Variants in TGFBR3 observed in about 807,000 individuals in gnomAD.
TGFBR3 encodes transforming growth factor beta receptor 3, also known as transforming growth factor beta receptor type 3.
TGFBR3 carries 46 observed loss-of-function variants against 87.9 expected under a neutral mutation model. The ratio of observed to expected loss-of-function variants is 0.52; its 90% CI spans 0.41 to 0.67. The LOEUF is 0.67. Among genes scored for constraint, TGFBR3 ranks in the 30% least tolerant of loss-of-function variants. The probability of loss-of-function intolerance (pLI) is 0.00; values close to 1 mark genes in which losing one functional copy is unlikely to be tolerated. For synonymous variants in TGFBR3, 381 were observed against 391.6 expected (o/e 0.97, Z 0.32); for missense variants, 866 against 1,041.9 (o/e 0.83, Z 2.32).
intron 13 of TGFBR3, among the ~76,000 whole-genome samples, chr1:91,709,153 G>A (rs1671895461): frequency 6.6e-6 from 1 of 152,196 alleles, no homozygotes; most frequent in Admixed American, 6.5e-5. Context: ...TTTGTGATTG[G>A]TGATTGTGGG....
chr1:91,731,316 T>G (rs17878344), intron 5 of TGFBR3, among the ~76,000 whole-genome samples: 1 of 152,046 alleles, frequency 6.6e-6, no homozygotes, highest in African/African-American at 2.4e-5. Flanking sequence ...CAGCACACAC[T>G]GGGGCATCAT....
chr1:91,751,100 T>C (rs936219001), intron 4 of TGFBR3, among the ~76,000 whole-genome samples: 15 of 152,146 alleles, frequency 9.9e-5, no homozygotes, highest in Non-Finnish European at 1.5e-5. Context: ...GTGTGTTGGA[T>C]GAATGAACAA....
At chr1:91,839,704 T>C (rs1402604223) in intron 2 of TGFBR3, among the ~76,000 whole-genome samples, 2 of 152,122 alleles carry the variant, frequency 1.3e-5, no homozygotes, top group Non-Finnish European at 2.9e-5. Context: ...GTCAAGGTCA[T>C]TGAAAGACCA....
chr1:91,849,858 C>T (rs534769516), intron 2 of TGFBR3, among the ~76,000 whole-genome samples: 40 of 151,626 alleles, frequency 2.6e-4, no homozygotes, highest in African/African-American at 9.4e-4. Flanking sequence ...CGAGGCGGGC[C>T]GATCACGAGG....
At chr1:91,905,464 A>T (rs1022016933) in intron 1 of TGFBR3, among the ~76,000 whole-genome samples, 5 of 151,976 alleles carry the variant, frequency 3.3e-5, no homozygotes, top group African/African-American at 1.2e-4. Context: ...TAAGAGTCTC[A>T]CTCTGTTGCC....
intron 2 of TGFBR3, among the ~76,000 whole-genome samples, chr1:91,801,859 T>C (rs1279364545): frequency 2.0e-5 from 3 of 152,110 alleles, no homozygotes; most frequent in African/African-American, 7.2e-5. Context: ...CCACAAAAGG[T>C]ACACATCCTT....
chr1:91,795,308 A>T (rs890105848), intron 3 of TGFBR3, among the ~76,000 whole-genome samples: 2 of 152,220 alleles, frequency 1.3e-5, no homozygotes, highest in African/African-American at 4.8e-5. Context: ...AAAGAGAATA[A>T]TGTTCAGGTT....
chr1:91,887,306 C>T (rs1679352192), upstream of TGFBR3, among the ~76,000 whole-genome samples: 1 of 123,882 alleles, frequency 8.1e-6, no homozygotes, highest in Admixed American at 1.1e-4. Context: ...AGTGCAGTGG[C>T]ACAATCTCAA....
At chr1:91,833,585 TG>T (rs1676944665) in intron 2 of TGFBR3, among the ~76,000 whole-genome samples, 1 of 150,348 alleles carries the variant, frequency 6.7e-6, no homozygotes, top group African/African-American at 2.4e-5. Context: ...CTGGCCAATA[TG>T]GTGAAACCCC....
At chr1:91,878,818 G>A (rs1234712351) in intron 1 of TGFBR3, among the ~76,000 whole-genome samples, 2 of 152,180 alleles carry the variant, frequency 1.3e-5, no homozygotes, top group Non-Finnish European at 2.9e-5. Context: ...AGAAAAGCAG[G>A]TGTTTCGTCC....
Position 91,821,328 on chromosome 1 carries a change from C to CAA in TGFBR3, c.62-23859_62-23858dup, listed in dbSNP as rs35313779. ...CTGGGTGACAGAGATAAGACTGTCTCAAAAAAAAAAAAAAAAAAAAAAAAG... is the reference window on the plus strand; with the variant it reads ...CTGGGTGACAGAGATAAGACTGTCTCAAAAAAAAAAAAAAAAAAAAAAAAAAG... On this transcript the variant is annotated intron_variant, in intron 2 of 16. Transcript: ENST00000212355. 1.1e-3 allele frequency among the ~76,000 whole-genome samples: 85 copies of CAA among 77,368 alleles called. 1 individual carries two copies. Among genetic ancestry groups the CAA allele is most frequent in the Admixed American group, 1.3e-3 (8 of 6,242 alleles). 50.8% of individuals were successfully genotyped at this position (77,368 alleles called of 152,430 possible).
chr1:91,772,537 C>T (rs192392653), intron 3 of TGFBR3, among the ~76,000 whole-genome samples: 17 of 152,100 alleles, frequency 1.1e-4, no homozygotes, highest in African/African-American at 4.1e-4. Flanking sequence ...CATAAACTAT[C>T]AATGAATTAA....
chr1:91,731,448 C>T (rs1045475804), intron 5 of TGFBR3, among the ~76,000 whole-genome samples: 12 of 152,204 alleles, frequency 7.9e-5, no homozygotes, highest in African/African-American at 2.7e-4. Context: ...TAATTCCCCT[C>T]CCCCTCAGAG....
chr1:91,891,479 C>T (rs990898892), intron 2 of TGFBR3, among the ~76,000 whole-genome samples: 1 of 147,018 alleles, frequency 6.8e-6, no homozygotes, highest in Admixed American at 6.8e-5. Flanking sequence ...GCCTGGGCAA[C>T]AGAACTGAGA....
chr1:91,742,820 A>C (rs1673202503), intron 4 of TGFBR3, among the ~76,000 whole-genome samples: 3 of 152,112 alleles, frequency 2.0e-5, no homozygotes, highest in Admixed American at 1.3e-4. Context: ...CATGCACAAC[A>C]TTTGTATTTG....
chr1:91,683,481 G>T lies in TGFBR3; in HGVS notation c.*258C>A, dbSNP rs1253026088. ...AAAACCCCCAAGCCTGTGAGGGGCTGGTGGAGAAGACCACCATTTTAGCTT... is the reference window on the plus strand; with the variant it reads ...AAAACCCCCAAGCCTGTGAGGGGCTTGTGGAGAAGACCACCATTTTAGCTT... On this transcript the variant is annotated 3_prime_UTR_variant, in exon 17 of 17. Coordinates refer to ENST00000212355, the MANE Select transcript of TGFBR3 (RefSeq NM_003243.5). 3.0e-6 allele frequency: 2 copies of T among 671,040 alleles called. No individual in the cohort carries two copies. Among genetic ancestry groups the T allele is most frequent in the Non-Finnish European group, 5.5e-6 (2 of 366,596 alleles). The allele number at this position is 671,040 out of a possible 1,614,324, so 41.6% of individuals were successfully genotyped here.
intron 3 of TGFBR3, among the ~76,000 whole-genome samples, chr1:91,764,678 C>T (rs1674109838): frequency 6.6e-6 from 1 of 152,210 alleles, no homozygotes; most frequent in African/African-American, 2.4e-5. Flanking sequence ...TGATGCAAGT[C>T]TGAGGACACA....
At chr1:91,785,236 A>G (rs1571507605) in intron 3 of TGFBR3, among the ~76,000 whole-genome samples, 1 of 152,252 alleles carries the variant, frequency 6.6e-6, no homozygotes, top group East Asian at 1.9e-4. Context: ...CAAAAGATAC[A>G]TATTGCATGA....
chr1:91,716,755 A>T (rs1672191405), intron 10 of TGFBR3, 47 bp from the exon 11 acceptor site: 2 of 1,608,252 alleles, frequency 1.2e-6, no homozygotes, highest in East Asian at 4.5e-5. Flanking sequence ...ACACCAAACC[A>T]TGTGTGTTTG....
Sources: allele counts gnomAD v4.1 joint callset (sites outside exome capture counted in the v4.1 genomes callset), GRCh38; gene constraint gnomAD v4.1.1; transcripts MANE v1.5; gene names NCBI Gene and HGNC (gene_info 2026-07-23, HGNC 2026-07-21).